Variants in ARMH4 observed in about 807,000 individuals in gnomAD.
ARMH4 encodes armadillo-like helical domain-containing protein 4.
A neutral mutation model predicts 61.9 loss-of-function variants in ARMH4; 49 were observed. That is an observed-to-expected ratio of 0.79 (90% CI 0.63 to 1.00). The LOEUF (loss-of-function observed/expected upper bound fraction) is 1.00. Ranked by LOEUF, ARMH4 falls within the 50% of genes least tolerant of loss-of-function variation. The pLI is 0.00. For missense variants in ARMH4, 934 were observed against 930.0 expected (o/e 1.00, Z -0.06); for synonymous variants, 368 against 341.5 (o/e 1.08, Z -0.85).
chr14:58,047,531 G>C, intron 5 of ARMH4, among the ~76,000 whole-genome samples: 1 of 152,178 alleles, frequency 6.6e-6, no homozygotes, highest in Non-Finnish European at 1.5e-5. Flanking sequence ...GCACAGATGA[G>C]AGAACTGGGG....
intron 4 of ARMH4, among the ~76,000 whole-genome samples, chr14:58,111,333 G>A (rs990712817): frequency 6.6e-6 from 1 of 152,008 alleles, no homozygotes; most frequent in African/African-American, 2.4e-5. Context: ...CATCTTAAAA[G>A]GTACAGAAAT....
At chr14:58,106,554 T>G (rs79093335) in intron 4 of ARMH4, among the ~76,000 whole-genome samples, 2,517 of 152,318 alleles carry the variant, frequency 0.017, 72 homozygotes, top group African/African-American at 0.055. Flanking sequence ...AAATGTCCTG[T>G]TGCAAGTGGC....
intron 4 of ARMH4, among the ~76,000 whole-genome samples, chr14:58,124,634 C>T (rs543360220): frequency 2.6e-5 from 4 of 152,328 alleles, no homozygotes; most frequent in African/African-American, 9.6e-5. Flanking sequence ...AGCAACATTT[C>T]TTCCAGACAA....
chr14:58,093,528 T>C (rs887440354), intron 5 of ARMH4, among the ~76,000 whole-genome samples: 1 of 152,184 alleles, frequency 6.6e-6, no homozygotes, highest in Non-Finnish European at 1.5e-5. Flanking sequence ...GTAAAGTCTC[T>C]TTTTCCATGT....
At chr14:58,043,299 C>G (rs201059537) in intron 5 of ARMH4, among the ~76,000 whole-genome samples, 1 of 151,284 alleles carries the variant, frequency 6.6e-6, no homozygotes, top group African/African-American at 2.4e-5. Flanking sequence ...GCTGGTTCAA[C>G]AGATGCAAAT....
intron 2 of ARMH4, among the ~76,000 whole-genome samples, chr14:58,136,869 G>T (rs12879492): frequency 6.6e-6 from 1 of 152,080 alleles, no homozygotes. Flanking sequence ...GCAAGCAGAT[G>T]ATTTATCTTC....
intron 5 of ARMH4, among the ~76,000 whole-genome samples, chr14:58,079,496 T>C (rs543614018): frequency 6.6e-6 from 1 of 152,148 alleles, no homozygotes; most frequent in Admixed American, 6.5e-5. Flanking sequence ...TTTAATTACC[T>C]CTTCAAGGCT....
At position 58,138,296 on chromosome 14, in the gene ARMH4, C is replaced by T. The variant is rs1887381840; in HGVS notation, c.1063G>A (p.Gly355Arg). ...TAQVSHEGME[G>R]GQPWTEAAQV... The stretch of plus-strand genomic sequence containing the variant: ...GCAGCCTCTGTCCAAGGCTGGCCTC[C>T]TTCCATACCCTCATGGCTTACTTGT... Residue 355 changes from glycine to arginine, a missense_variant, in exon 2 of 8, where the codon GGA becomes AGA. By Grantham distance (125) the Gly-to-Arg change is moderately radical. Coordinates refer to ENST00000267485, the MANE Select transcript of ARMH4 (RefSeq NM_001001872.4). The T allele has an allele frequency of 6.2e-7, 1 of 1,614,246 alleles. No individual in the cohort carries two copies. The highest frequency in any genetic ancestry group is 1.3e-5 in the African/African-American group (1 of 75,058).
intron 5 of ARMH4, among the ~76,000 whole-genome samples, chr14:58,027,854 T>C (rs762008166): frequency 1.3e-5 from 2 of 152,222 alleles, no homozygotes; most frequent in Non-Finnish European, 2.9e-5. Context: ...CAGCTTCTTA[T>C]ACATCAAAAG....
At chr14:58,052,841 T>G (rs1309810829) in intron 5 of ARMH4, among the ~76,000 whole-genome samples, 3 of 152,060 alleles carry the variant, frequency 2.0e-5, no homozygotes, top group African/African-American at 4.8e-5. Flanking sequence ...TACCTCAAAC[T>G]CAACATAACC....
chr14:58,121,272 C>T (rs923210529), intron 4 of ARMH4, among the ~76,000 whole-genome samples: 1 of 152,126 alleles, frequency 6.6e-6, no homozygotes, highest in South Asian at 2.1e-4. Flanking sequence ...AAAGCTAAAT[C>T]CTTTCATCAT....
At position 58,001,351 on chromosome 14, in the gene ARMH4, C is replaced by T. The variant is rs569480931; in HGVS notation, c.*3385G>A. ...TTATTGTGAATAATATGCTTATAAGCATAAGCAATGAACACAGGCGTACAG... is the reference window on the plus strand; with the variant it reads ...TTATTGTGAATAATATGCTTATAAGTATAAGCAATGAACACAGGCGTACAG... On this transcript the variant is annotated 3_prime_UTR_variant, in exon 8 of 8. Transcript: ENST00000267485. 41 of 152,232 alleles carry T rather than the reference C, an allele frequency of 2.7e-4. No individual in the cohort carries two copies. Among genetic ancestry groups the T allele is most frequent in the Non-Finnish European group, 1.9e-4 (13 of 68,022 alleles). The allele number at this position is 152,232 out of a possible 1,614,324, so 9.4% of individuals were successfully genotyped here. A position where few individuals can be genotyped will look rare whatever the true frequency, so the allele number is the denominator to read the frequency against.
chr14:58,039,878 C>A (rs530239982), intron 5 of ARMH4, among the ~76,000 whole-genome samples: 45 of 152,224 alleles, frequency 3.0e-4, no homozygotes, highest in Non-Finnish European at 5.3e-4. Flanking sequence ...AATCAGGAAT[C>A]ACGACAAGTA....
intron 5 of ARMH4, among the ~76,000 whole-genome samples, chr14:58,092,018 A>C (rs1279213897): frequency 6.6e-6 from 1 of 152,244 alleles, no homozygotes; most frequent in Non-Finnish European, 1.5e-5. Context: ...TGAGGCCTGA[A>C]TCTACTGCTT....
chr14:58,086,393 A>G (rs1885379975), intron 5 of ARMH4, among the ~76,000 whole-genome samples: 1 of 152,218 alleles, frequency 6.6e-6, no homozygotes, highest in Non-Finnish European at 1.5e-5. Flanking sequence ...TGTAGATATT[A>G]AAAACACTTT....
At chr14:58,102,404 A>T (rs565792824) in intron 4 of ARMH4, among the ~76,000 whole-genome samples, 2 of 152,280 alleles carry the variant, frequency 1.3e-5, no homozygotes, top group South Asian at 4.1e-4. Flanking sequence ...GAACCTGCAA[A>T]TGGGACCTCG....
intron 5 of ARMH4, 149 bp downstream of exon 5, chr14:58,096,575 A>G (rs888164654): frequency 2.4e-6 from 2 of 819,788 alleles, no homozygotes; most frequent in Non-Finnish European, 1.9e-6. Context: ...TTATACTTAT[A>G]TTCTTAACCA....
intron 1 of ARMH4, among the ~76,000 whole-genome samples, chr14:58,146,021 T>C (rs1456056177): frequency 1.3e-5 from 2 of 152,232 alleles, no homozygotes; most frequent in African/African-American, 4.8e-5. Flanking sequence ...TGCTCAAGAA[T>C]AAACGAGAAG....
chr14:58,140,053 G>A (rs1292109351), intron 1 of ARMH4, among the ~76,000 whole-genome samples: 2 of 151,174 alleles, frequency 1.3e-5, no homozygotes, highest in Non-Finnish European at 2.9e-5. Flanking sequence ...TGGATCACCT[G>A]AGGTCAGGAG....
Sources: allele counts gnomAD v4.1 joint callset (sites outside exome capture counted in the v4.1 genomes callset), GRCh38; gene constraint gnomAD v4.1.1; transcripts MANE v1.5; gene names NCBI Gene and HGNC (gene_info 2026-07-23, HGNC 2026-07-21).